Variants in MAP3K9 observed in about 807,000 individuals in gnomAD.
MAP3K9 encodes mitogen-activated protein kinase kinase kinase 9, also known as mixed lineage kinase 1 (tyr and ser/thr specificity).
Under a neutral mutation model 95.8 loss-of-function variants are expected in MAP3K9, and 46 were observed. That is an observed-to-expected ratio of 0.48 (90% CI 0.38 to 0.61). The LOEUF is 0.61. MAP3K9 is among the 20% of genes least tolerant of loss of function. The pLI, the probability that MAP3K9 is intolerant of heterozygous loss-of-function variation, is 0.00. For missense variants in MAP3K9, 1,296 were observed against 1,474.3 expected, an observed-to-expected ratio of 0.88 and a Z score of 1.98; for synonymous variants, 533 against 593.8, an observed-to-expected ratio of 0.90 and a Z score of 1.49.
At chr14:70,740,866 G>T (rs973209752) in intron 6 of MAP3K9, among the ~76,000 whole-genome samples, 1 of 152,158 alleles carries the variant, frequency 6.6e-6, no homozygotes, top group Non-Finnish European at 1.5e-5. Flanking sequence ...ATCCTGACAT[G>T]CAACAATATG....
rs1475830539 is a variant in MAP3K9 at position 70,724,791 on chromosome 14, C to A, written c.*5589G>T. 2 of 152,118 alleles carry A rather than the reference C, an allele frequency of 1.3e-5. No individual in the cohort carries two copies. The highest frequency in any genetic ancestry group is 2.9e-5 in the Non-Finnish European group (2 of 68,032). The allele number at this position is 152,118 out of a possible 1,614,324, so 9.4% of individuals were successfully genotyped here. ...CTGGGGCCCTCGCTCCCCAGGGCTC[C>A]GCTTGTGACTACTCTGACCTCTGGG... On this transcript the variant is annotated 3_prime_UTR_variant, in exon 12 of 12. Coordinates refer to ENST00000554752, the MANE Select transcript of MAP3K9 (RefSeq NM_001284230.2).
At position 70,730,134 on chromosome 14, in the gene MAP3K9, C is replaced by A. The variant is rs2053873644; in HGVS notation, c.*246G>T. 1.9e-6 allele frequency: 1 copy of A among 529,012 alleles called. No individual in the cohort carries two copies. The highest frequency in any genetic ancestry group is 3.3e-6 in the Non-Finnish European group (1 of 299,676). 32.8% of individuals were successfully genotyped at this position (529,012 alleles called of 1,614,324 possible). ...GGAGGGTGGGGGACATGCATGCACCCCTTCCTCCCCTACACAGCCAGAGCT... is the reference window on the plus strand; with the variant it reads ...GGAGGGTGGGGGACATGCATGCACCACTTCCTCCCCTACACAGCCAGAGCT... On this transcript the variant is annotated 3_prime_UTR_variant, in exon 12 of 12. Coordinates refer to ENST00000554752, the MANE Select transcript of MAP3K9 (RefSeq NM_001284230.2).
intron 7 of MAP3K9, among the ~76,000 whole-genome samples, chr14:70,739,092 T>C (rs2054028159): frequency 6.6e-6 from 1 of 152,166 alleles, no homozygotes; most frequent in Non-Finnish European, 1.5e-5. Context: ...AAAAGAAACC[T>C]ACTGATTTGA....
intron 1 of MAP3K9, among the ~76,000 whole-genome samples, chr14:70,804,789 T>G (rs1484629033): frequency 6.6e-6 from 1 of 152,170 alleles, no homozygotes; most frequent in Non-Finnish European, 1.5e-5. Flanking sequence ...CAATAACCTC[T>G]CTTTGAGTAG....
At chr14:70,738,059 T>C (rs2054009783) in intron 8 of MAP3K9, among the ~76,000 whole-genome samples, 186 bp downstream of exon 8, 1 of 152,202 alleles carries the variant, frequency 6.6e-6, no homozygotes, top group Non-Finnish European at 1.5e-5. Context: ...GAAAAAGTTT[T>C]CCATGCCTGT....
At chr14:70,733,641 G>A (rs2053944693) in intron 10 of MAP3K9, 2 of 696,524 alleles carry the variant, frequency 2.9e-6, no homozygotes, top group African/African-American at 1.8e-5. Context: ...GTATCCACTT[G>A]ACTGGACTGA....
intron 5 of MAP3K9, among the ~76,000 whole-genome samples, chr14:70,745,426 G>A (rs1037608327): frequency 6.6e-6 from 1 of 152,132 alleles, no homozygotes; most frequent in African/African-American, 2.4e-5. Context: ...CCAGGAGAAT[G>A]TCAAAATAGC....
At chr14:70,772,306 G>A (rs1317351930) in intron 2 of MAP3K9, among the ~76,000 whole-genome samples, 1 of 152,156 alleles carries the variant, frequency 6.6e-6, no homozygotes, top group Non-Finnish European at 1.5e-5. Context: ...TTGGCTCCTT[G>A]GGGACTTAGG....
At chr14:70,760,572 G>A (rs536281945) in intron 3 of MAP3K9, among the ~76,000 whole-genome samples, 1 of 152,264 alleles carries the variant, frequency 6.6e-6, no homozygotes, top group East Asian at 1.9e-4. Context: ...TGGCTCAGGA[G>A]CTTTAGAGTG....
intron 9 of MAP3K9, 78 bp from the exon 10 acceptor site, chr14:70,734,576 G>C (rs2053958844): frequency 1.3e-6 from 1 of 796,714 alleles, no homozygotes; most frequent in Admixed American, 2.2e-5. Context: ...GGTCTATGGA[G>C]ACGTTTCTCC....
chr14:70,770,337 C>G (rs766229245), intron 2 of MAP3K9, among the ~76,000 whole-genome samples: 1 of 151,854 alleles, frequency 6.6e-6, no homozygotes, highest in Non-Finnish European at 1.5e-5. Flanking sequence ...CACACCAGGA[C>G]GCCCAGATAC....
In MAP3K9 at chr14:70,732,760, G is replaced by C. The variant is rs1247916454; in HGVS notation, c.2609C>G (p.Pro870Arg). 6.2e-7 allele frequency: 1 copy of C among 1,611,970 alleles called. No homozygotes were observed. The highest frequency in any genetic ancestry group is 1.7e-5 in the Admixed American group (1 of 59,900). The change falls in exon 11 of 12, where the codon CCT becomes CGT. Residue 870 changes from proline to arginine, a missense_variant. Pro to Arg is a moderately radical substitution (Grantham distance 103). Coordinates refer to ENST00000554752, the MANE Select transcript of MAP3K9 (RefSeq NM_001284230.2). ...GTTGTGGGTACATGGACTCAGGGGA[G>C]GGGCCTCGACTGGGCTGACTGGCAT... ...YEMPVSPVEA[P>R]PLSPCTHNPL...
At position 70,733,355 on chromosome 14, in the gene MAP3K9, C is replaced by G; in HGVS notation, c.2027-13G>C. ...CTGTCCTCATCCTCTGTGAAGATGA[C>G]AAGAGTGGAAGAGAAACAGGAAATG... is the stretch of plus-strand genomic sequence containing the variant. On this transcript the variant is annotated splice_polypyrimidine_tract_variant and intron_variant, in intron 10 of 11. Transcript: ENST00000554752. 8.7e-7 allele frequency: 1 copy of G among 1,150,876 alleles called. No homozygotes were observed. The highest frequency in any genetic ancestry group is 1.2e-6 in the Non-Finnish European group (1 of 801,830). 71.3% of individuals were successfully genotyped at this position (1,150,876 alleles called of 1,614,324 possible). A position where few individuals can be genotyped will look rare whatever the true frequency, so the allele number is the denominator to read the frequency against.
rs1262738843 is a variant in MAP3K9, at chr14:70,725,648, T to C, written c.*4732A>G. The C allele has an allele frequency of 1.3e-5, 2 of 152,156 alleles. No individual in the cohort carries two copies. The highest frequency in any genetic ancestry group is 2.9e-5 in the Non-Finnish European group (2 of 68,014). 9.4% of individuals were successfully genotyped at this position (152,156 alleles called of 1,614,324 possible). ...AATTTTCATTAATTTGAATTCCTAA[T>C]CTAGGAATACGCTGATCCGACAGAA... is the stretch of plus-strand genomic sequence containing the variant. On this transcript the variant is annotated 3_prime_UTR_variant, in exon 12 of 12. Coordinates refer to ENST00000554752, the MANE Select transcript of MAP3K9 (RefSeq NM_001284230.2).
intron 9 of MAP3K9, among the ~76,000 whole-genome samples, chr14:70,735,309 G>A (rs2053970189): frequency 6.6e-6 from 1 of 151,946 alleles, no homozygotes; most frequent in South Asian, 2.1e-4. Flanking sequence ...AGGGAGGACT[G>A]AGGAATCTGT....
chr14:70,788,644 G>A (rs963231613), intron 2 of MAP3K9, among the ~76,000 whole-genome samples: 2 of 152,200 alleles, frequency 1.3e-5, no homozygotes, highest in African/African-American at 4.8e-5. Context: ...AAGAGGTGTG[G>A]TGTTGTTTGG....
intron 1 of MAP3K9, among the ~76,000 whole-genome samples, chr14:70,808,010 C>G (rs1594819288): frequency 6.6e-6 from 1 of 152,174 alleles, no homozygotes; most frequent in African/African-American, 2.4e-5. Context: ...ATTTCCCAAA[C>G]AGCCTCACTG....
rs2054084420 is a variant in MAP3K9, at chr14:70,742,448, C to T, written c.1470G>A (p.Gln490=). The T allele has an allele frequency of 6.2e-7, 1 of 1,614,132 alleles. No homozygotes were observed. Among genetic ancestry groups the T allele is most frequent in the East Asian group, 2.2e-5 (1 of 44,904 alleles). The change falls in exon 6 of 12, where the codon CAG becomes CAA. Residue 490 remains glutamine (Q), a synonymous_variant. Coordinates refer to ENST00000554752, the MANE Select transcript of MAP3K9 (RefSeq NM_001284230.2). The part of the protein sequence containing the change: ...LERELNIIIH[Q]LCQEKPRVKK... ...TCACCCGGGGCTTCTCCTGGCACAGCTGGTGGATGATGATGTTGAGCTCCC... is the reference window on the plus strand; with the variant it reads ...TCACCCGGGGCTTCTCCTGGCACAGTTGGTGGATGATGATGTTGAGCTCCC...
rs547034010 is a variant in MAP3K9 at position 70,742,417 on chromosome 14, G to A, written c.1501C>T (p.Arg501Cys). 2.0e-5 allele frequency: 33 copies of A among 1,614,192 alleles called. No homozygotes were observed. Among genetic ancestry groups the A allele is most frequent in the South Asian group, 9.9e-5 (9 of 91,084 alleles). Residue 501 changes from arginine (R) to cysteine (C), a missense_variant, in exon 6 of 12, where the codon CGC becomes TGC. Physicochemically the swap from Arg to Cys is radical, Grantham distance 180. Around this residue, in one of 5 missense-constraint regions of MAP3K9, gnomAD observed 377 missense variants for 417.1 expected, o/e 0.90. Coordinates refer to ENST00000554752, the MANE Select transcript of MAP3K9 (RefSeq NM_001284230.2). Reference sequence around the variant, plus strand: ...CGGCTCTTCCTGAACTTGCCCTTGCGTTTCTTCACCCGGGGCTTCTCCTGG... The same window carrying A: ...CGGCTCTTCCTGAACTTGCCCTTGCATTTCTTCACCCGGGGCTTCTCCTGG... ...LCQEKPRVKK[R>C]KGKFRKSRLK...
Sources: allele counts gnomAD v4.1 joint callset (sites outside exome capture counted in the v4.1 genomes callset), GRCh38; gene constraint gnomAD v4.1.1; regional missense constraint gnomAD v4.1.1; transcripts MANE v1.5; gene names NCBI Gene and HGNC (gene_info 2026-07-23, HGNC 2026-07-21).